The following RBFOX1 variants were observed in gnomAD, a reference collection of about 807,000 sequenced individuals.
RBFOX1 encodes RNA binding protein fox-1 homolog 1.
Under a neutral mutation model 57.7 loss-of-function variants are expected in RBFOX1, and 8 were observed. That is an observed-to-expected ratio of 0.14 (90% CI 0.08 to 0.25). The LOEUF (loss-of-function observed/expected upper bound fraction) is 0.25, where lower values mean the gene tolerates loss of function less well. Among genes scored for constraint, RBFOX1 ranks in the 10% least tolerant of loss-of-function variants. The pLI, the probability that RBFOX1 is intolerant of heterozygous loss-of-function variation, is 1.00. For synonymous variants in RBFOX1, 326 were observed against 222.4 expected, an observed-to-expected ratio of 1.47 and a Z score of -4.15; for missense variants, 611 against 548.5, an observed-to-expected ratio of 1.11 and a Z score of -1.14.
At chr16:5,366,706 A>G (rs1297631719) in intron 1 of RBFOX1, 1 of 394,996 alleles carries the variant, frequency 2.5e-6, no homozygotes, top group Non-Finnish European at 4.8e-6. Flanking sequence ...TCATTTAAAC[A>G]ATTTGTTAAA....
chr16:6,036,576 A>G (rs2152402682), intron 1 of RBFOX1, among the ~76,000 whole-genome samples: 1 of 150,828 alleles, frequency 6.6e-6, no homozygotes, highest in East Asian at 2.0e-4. Flanking sequence ...TAATCTTGGA[A>G]AGAAAAGGCC....
intron 4 of RBFOX1, among the ~76,000 whole-genome samples, chr16:7,253,281 G>C (rs149427170): frequency 1.2e-4 from 18 of 152,304 alleles, no homozygotes; most frequent in African/African-American, 3.6e-4. Flanking sequence ...CATTCTGTCA[G>C]TTCTGTGGAG....
At chr16:7,238,545 T>G (rs1311195005) in intron 4 of RBFOX1, among the ~76,000 whole-genome samples, 1 of 152,058 alleles carries the variant, frequency 6.6e-6, no homozygotes, top group East Asian at 1.9e-4. Flanking sequence ...CACACGCACC[T>G]TTAGGAAAGC....
intron 5 of RBFOX1, among the ~76,000 whole-genome samples, chr16:7,574,680 T>G (rs925978301): frequency 2.0e-5 from 3 of 151,982 alleles, no homozygotes; most frequent in African/African-American, 4.8e-5. Flanking sequence ...AGATTGAGGG[T>G]GGGTTGGCCA....
intron 4 of RBFOX1, among the ~76,000 whole-genome samples, chr16:7,132,298 T>C (rs928822521): frequency 6.6e-6 from 1 of 152,054 alleles, no homozygotes; most frequent in Non-Finnish European, 1.5e-5. Flanking sequence ...AAGTTCATCA[T>C]TGCAATGTTC....
intron 2 of RBFOX1, among the ~76,000 whole-genome samples, chr16:5,594,563 C>T (rs143359825): frequency 6.6e-6 from 1 of 152,224 alleles, no homozygotes; most frequent in East Asian, 1.9e-4. Context: ...GAAGCAAAGG[C>T]AGGAAGACAG....
chr16:5,429,252 G>T (rs907987419), intron 1 of RBFOX1, among the ~76,000 whole-genome samples: 2 of 152,172 alleles, frequency 1.3e-5, no homozygotes, highest in African/African-American at 4.8e-5. Context: ...GCTGGAGGTG[G>T]GGCAGGTATT....
chr16:6,654,670 T>C lies in RBFOX1; in HGVS notation c.-16+20T>C. 6.7e-7 allele frequency: 1 copy of C among 1,500,382 alleles called. No individual in the cohort carries two copies. Among genetic ancestry groups the C allele is most frequent in the South Asian group, 1.3e-5 (1 of 77,856 alleles). The allele number at this position is 1,500,382 out of a possible 1,614,324, so 92.9% of individuals were successfully genotyped here. On this transcript the variant is annotated intron_variant, in intron 3 of 15. Coordinates refer to ENST00000550418, the MANE Select transcript of RBFOX1 (RefSeq NM_018723.4). ...AGAAAGGTGAGTCAATATTTTTCAT[T>C]TTTAGGGTTGCAAACAAAACAAGAA... is the stretch of plus-strand genomic sequence containing the variant.
chr16:5,403,083 G>C (rs993478410), intron 1 of RBFOX1, among the ~76,000 whole-genome samples: 21 of 152,096 alleles, frequency 1.4e-4, no homozygotes, highest in Non-Finnish European at 3.1e-4. Context: ...GGGGCATGGT[G>C]ACTCATGCCT....
At chr16:7,074,155 A>T (rs570638387) in intron 4 of RBFOX1, among the ~76,000 whole-genome samples, 1 of 152,344 alleles carries the variant, frequency 6.6e-6, no homozygotes, top group South Asian at 2.1e-4. Flanking sequence ...GAGAAAAAAC[A>T]GTCAGTAGAA....
intron 4 of RBFOX1, among the ~76,000 whole-genome samples, chr16:5,959,448 C>T (rs938533255): frequency 5.3e-5 from 8 of 152,202 alleles, no homozygotes; most frequent in Non-Finnish European, 1.2e-4. Flanking sequence ...AGCATCCATT[C>T]TTGCTCAGGA....
chr16:6,818,742 C>T (rs1455072969), intron 3 of RBFOX1, among the ~76,000 whole-genome samples: 1 of 152,166 alleles, frequency 6.6e-6, no homozygotes, highest in Non-Finnish European at 1.5e-5. Flanking sequence ...ATAGAAAAAG[C>T]CCCAAGCTTC....
chr16:6,606,820 G>A (rs536743638), intron 2 of RBFOX1, among the ~76,000 whole-genome samples: 96 of 152,234 alleles, frequency 6.3e-4, no homozygotes, highest in Admixed American at 1.4e-3. Flanking sequence ...GTGAACATAC[G>A]CGTGCATGTA....
intron 1 of RBFOX1, among the ~76,000 whole-genome samples, chr16:5,332,304 G>A (rs903208937): frequency 1.3e-5 from 2 of 152,222 alleles, no homozygotes; most frequent in South Asian, 2.1e-4. Flanking sequence ...GTCTCCCTCT[G>A]TCACCCAGGC....
intron 4 of RBFOX1, among the ~76,000 whole-genome samples, chr16:7,275,180 G>A (rs1315308348): frequency 6.6e-6 from 1 of 152,016 alleles, no homozygotes; most frequent in African/African-American, 2.4e-5. Context: ...GAGGGAGAGA[G>A]GAAGGGAGAA....
rs546469452 is a variant in RBFOX1 at position 7,335,839 on chromosome 16, A to G, written c.28-182308A>G. Among the ~76,000 whole-genome samples, 3 of 152,220 alleles carry G rather than the reference A, an allele frequency of 2.0e-5. No individual in the cohort carries two copies. The South Asian group carries it at 6.2e-4, about 32-fold the overall frequency. ...CCTGAACCCATTATTTTATGTCTAC[A>G]CTTGTTGTGTGTAGCCAAATAGAGA... On this transcript the variant is annotated intron_variant, in intron 4 of 15. Transcript: ENST00000550418.
intron 3 of RBFOX1, among the ~76,000 whole-genome samples, chr16:6,656,040 G>T (rs1162107537): frequency 6.6e-6 from 1 of 152,178 alleles, no homozygotes; most frequent in South Asian, 2.1e-4. Flanking sequence ...GCTCTAGTTT[G>T]CTGGCAAAGG....
chr16:5,953,553 C>T (rs2059562228), intron 4 of RBFOX1, among the ~76,000 whole-genome samples: 1 of 152,082 alleles, frequency 6.6e-6, no homozygotes, highest in South Asian at 2.1e-4. Flanking sequence ...TTTGCATCCT[C>T]ATAGCTTAGC....
intron 3 of RBFOX1, among the ~76,000 whole-genome samples, chr16:5,764,345 C>G (rs578160702): frequency 6.6e-6 from 1 of 152,332 alleles, no homozygotes; most frequent in South Asian, 2.1e-4. Flanking sequence ...GTGGGGAGGA[C>G]AGGACTCCTT....
Sources: gnomAD v4.1 joint callset for allele counts (sites outside exome capture counted in the v4.1 genomes callset) on GRCh38, gnomAD v4.1.1 for gene constraint, MANE v1.5 for transcripts, NCBI Gene and HGNC (gene_info 2026-07-23, HGNC 2026-07-21) for gene names.